The following MYT1L variants were observed in gnomAD, a reference collection of about 807,000 sequenced individuals.
MYT1L encodes myelin transcription factor 1 like, also known as myelin transcription factor 1-like protein.
In MYT1L, 12 loss-of-function variants were observed where a neutral mutation model predicts 126.7. The observed-to-expected ratio is 0.09, with a 90% confidence interval of 0.06 to 0.15. MYT1L has a LOEUF of 0.15. Ranked by LOEUF, MYT1L falls within the 10% of genes least tolerant of loss-of-function variation. The pLI is 1.00. For missense variants in MYT1L, 979 were observed against 1,585.2 expected, an observed-to-expected ratio of 0.62 and a Z score of 6.49; for synonymous variants, 541 against 604.2, an observed-to-expected ratio of 0.90 and a Z score of 1.53.
At chr2:2,068,174 C>G (rs1044039867) in intron 3 of MYT1L, among the ~76,000 whole-genome samples, 1 of 152,090 alleles carries the variant, frequency 6.6e-6, no homozygotes, top group Admixed American at 6.6e-5. Flanking sequence ...TTGGAGGAGA[C>G]ACTTTAGAAG....
intron 18 of MYT1L, among the ~76,000 whole-genome samples, chr2:1,853,326 A>G (rs1000675887): frequency 6.6e-6 from 1 of 152,252 alleles, no homozygotes; most frequent in Non-Finnish European, 1.5e-5. Context: ...TATTTCAAAC[A>G]GCGTCTGCAT....
chr2:1,956,529 CTAT>C (rs2058451026), intron 8 of MYT1L, among the ~76,000 whole-genome samples: 1 of 145,584 alleles, frequency 6.9e-6, no homozygotes, highest in African/African-American at 2.5e-5. Context: ...ATCTATCTAT[CTAT>C]CTATCTATCT....
At chr2:2,200,984 A>C (rs758993701) in intron 2 of MYT1L, among the ~76,000 whole-genome samples, 1 of 152,236 alleles carries the variant, frequency 6.6e-6, no homozygotes, top group Non-Finnish European at 1.5e-5. Flanking sequence ...AAAGCACATT[A>C]ATCTTTACTC....
At chr2:2,105,047 A>G (rs1234738350) in intron 3 of MYT1L, among the ~76,000 whole-genome samples, 2 of 152,168 alleles carry the variant, frequency 1.3e-5, no homozygotes, top group South Asian at 2.1e-4. Context: ...ACAAGCTACT[A>G]ATTTCCTCGT....
rs1369480046 is a variant in MYT1L, at chr2:1,956,574, T to TTCTTTCTTTCTTTCTA, written c.153-13241_153-13240insTAGAAAGAAAGAAAGA. ...CATCTATCCTATTCTATATTTCCTATTCTATCTATCTATCTATCTATCTAT... is the reference window on the plus strand; with the variant it reads ...CATCTATCCTATTCTATATTTCCTATTCTTTCTTTCTTTCTATCTATCTATCTATCTATCTATCTAT... On this transcript the variant is annotated intron_variant, in intron 8 of 24. Coordinates refer to ENST00000647738, the MANE Select transcript of MYT1L (RefSeq NM_001303052.2). Among the ~76,000 whole-genome samples, 2 of 101,518 alleles carry TTCTTTCTTTCTTTCTA rather than the reference T, an allele frequency of 2.0e-5. 1 individual carries two copies. Among genetic ancestry groups the TTCTTTCTTTCTTTCTA allele is most frequent in the African/African-American group, 1.1e-4 (2 of 18,938 alleles). 66.6% of individuals were successfully genotyped at this position (101,518 alleles called of 152,430 possible).
chr2:2,102,112 C>A lies in MYT1L; in HGVS notation c.-303-47989G>T, dbSNP rs533299082. Among the ~76,000 whole-genome samples the A allele has an allele frequency of 5.3e-5, 8 of 152,342 alleles. No homozygotes were observed. The South Asian group carries it at 1.7e-3, about 32-fold the overall frequency. Reference sequence around the variant, plus strand: ...TCCTCCAAATCCCTGCAGTCCCCTACTTATACCACTGGGGGGAAGCTGTTT... The same window carrying A: ...TCCTCCAAATCCCTGCAGTCCCCTAATTATACCACTGGGGGGAAGCTGTTT... On this transcript the variant is annotated intron_variant, in intron 3 of 24. Transcript: ENST00000647738.
At chr2:2,048,325 G>C (rs2150064633) in intron 4 of MYT1L, among the ~76,000 whole-genome samples, 1 of 152,300 alleles carries the variant, frequency 6.6e-6, no homozygotes, top group Admixed American at 6.5e-5. Flanking sequence ...AATTTGTGTA[G>C]CTCCAGCAAA....
intron 21 of MYT1L, chr2:1,826,827 G>A (rs2039420512): frequency 6.6e-6 from 1 of 151,520 alleles, no homozygotes; most frequent in Non-Finnish European, 1.5e-5. Flanking sequence ...TTCCACAGGA[G>A]TGGCGTGGGG....
chr2:1,995,290 G>T (rs958762211), intron 5 of MYT1L, among the ~76,000 whole-genome samples: 1 of 152,192 alleles, frequency 6.6e-6, no homozygotes, highest in Non-Finnish European at 1.5e-5. Context: ...CTCCACACGT[G>T]TGAGGGGACG....
At position 1,839,307 on chromosome 2, in the gene MYT1L, G is replaced by A. The variant is rs200125635; in HGVS notation, c.2922C>T (p.Ser974=). ...TGGCCGCCAAGGGGCACCCGGAGGCGCTGCGATGGGACGCGTACTTCCCAG... is the reference window on the plus strand; with the variant it reads ...TGGCCGCCAAGGGGCACCCGGAGGCACTGCGATGGGACGCGTACTTCCCAG... The part of the protein sequence containing the change: ...HITGKYASHR[S]ASGCPLAAKR... The change falls in exon 21 of 25, where the codon AGC becomes AGT. Residue 974 remains serine, a synonymous_variant. Coordinates refer to ENST00000647738, the MANE Select transcript of MYT1L (RefSeq NM_001303052.2). The A allele has an allele frequency of 2.6e-4, 413 of 1,613,614 alleles. 5 individuals carry two copies. The African/African-American group carries it at 4.3e-3, about 17-fold the overall frequency.
chr2:2,001,084 C>T (rs1323390049), intron 4 of MYT1L, among the ~76,000 whole-genome samples: 1 of 152,042 alleles, frequency 6.6e-6, no homozygotes, highest in African/African-American at 2.4e-5. Context: ...GACATTCGTG[C>T]CCCCATACAA....
chr2:1,915,853 G>A (rs1366310670), intron 11 of MYT1L, among the ~76,000 whole-genome samples: 1 of 152,200 alleles, frequency 6.6e-6, no homozygotes, highest in Non-Finnish European at 1.5e-5. Flanking sequence ...GAAAGAAAGG[G>A]TGGCAGAGTC....
intron 18 of MYT1L, among the ~76,000 whole-genome samples, chr2:1,861,785 G>A (rs79607809): frequency 5.5e-4 from 3 of 5,498 alleles, no homozygotes; most frequent in Non-Finnish European, 1.3e-3. Flanking sequence ...TCCTGGATCT[G>A]CCTGCAGACT....
intron 1 of MYT1L, among the ~76,000 whole-genome samples, chr2:2,285,255 T>C (rs1573169267): frequency 6.6e-6 from 1 of 152,286 alleles, no homozygotes; most frequent in East Asian, 1.9e-4. Flanking sequence ...TATGGCAATG[T>C]ATGCAGGTTC....
intron 9 of MYT1L, among the ~76,000 whole-genome samples, chr2:1,934,120 ACCCGCCACCACG>A (rs1019403790): frequency 6.3e-5 from 9 of 141,976 alleles, no homozygotes; most frequent in African/African-American, 2.2e-4. Flanking sequence ...GACTACAGGC[ACCCGCCACCACG>A]CCTGGCTAAT....
At chr2:2,198,795 T>C (rs1358623595) in intron 2 of MYT1L, among the ~76,000 whole-genome samples, 2 of 151,948 alleles carry the variant, frequency 1.3e-5, no homozygotes, top group African/African-American at 4.8e-5. Flanking sequence ...GAGGCAGAGG[T>C]TGCAGTGAGC....
intron 3 of MYT1L, among the ~76,000 whole-genome samples, chr2:2,136,028 G>A (rs2083006874): frequency 6.6e-6 from 1 of 152,160 alleles, no homozygotes; most frequent in South Asian, 2.1e-4. Context: ...TATACACCAT[G>A]GAATACTATG....
intron 4 of MYT1L, among the ~76,000 whole-genome samples, chr2:2,019,804 A>ATT (rs142771594): frequency 5.3e-5 from 8 of 150,474 alleles, no homozygotes; most frequent in East Asian, 2.0e-4. Context: ...ATATTCTTCT[A>ATT]TTTTTTTTTC....
intron 2 of MYT1L, among the ~76,000 whole-genome samples, chr2:2,280,295 G>A (rs537776784): frequency 2.0e-4 from 30 of 152,246 alleles, no homozygotes; most frequent in African/African-American, 6.3e-4. Context: ...CTGGTTGTAT[G>A]GTTCACAGCT....
Sources: gnomAD v4.1 joint callset for allele counts (sites outside exome capture counted in the v4.1 genomes callset) on GRCh38, gnomAD v4.1.1 for gene constraint, MANE v1.5 for transcripts, NCBI Gene and HGNC (gene_info 2026-07-23, HGNC 2026-07-21) for gene names.